The following EFCAB8 variants were observed in gnomAD, a reference collection of about 807,000 sequenced individuals.
EFCAB8 encodes the protein EF-hand calcium binding domain 8.
A neutral mutation model predicts 116.3 loss-of-function variants in EFCAB8; 100 were observed. The ratio of observed to expected loss-of-function variants is 0.86; its 90% CI spans 0.73 to 1.02. The LOEUF is 1.02. Among genes scored for constraint, EFCAB8 ranks in the 50% least tolerant of loss-of-function variants. The probability of loss-of-function intolerance (pLI) is 0.00; values close to 1 mark genes in which losing one functional copy is unlikely to be tolerated. For synonymous variants in EFCAB8, 558 were observed against 567.9 expected (o/e 0.98, Z 0.25); for missense variants, 1,320 against 1,416.9 (o/e 0.93, Z 1.10).
chr20:32,898,591 A>G lies in EFCAB8; in HGVS notation c.1056A>G (p.Thr352=), dbSNP rs1283414009. Residue 352 remains threonine, a synonymous_variant, in exon 11 of 27, where the codon ACA becomes ACG. Coordinates refer to ENST00000400522, the MANE Select transcript of EFCAB8 (RefSeq NM_001143967.2). The part of the protein sequence containing the change: ...SAIEKSSLVL[T]ILPAKASKKP... ...TCGAGAAGTCCTCTCTGGTGCTGAC[A>G]ATATTGCCAGCCAAAGCCTCTAAGA... 1 of 718,726 alleles carries G rather than the reference A, an allele frequency of 1.4e-6. No homozygotes were observed. Among genetic ancestry groups the G allele is most frequent in the Non-Finnish European group, 2.6e-6 (1 of 385,124 alleles). 44.5% of individuals were successfully genotyped at this position (718,726 alleles called of 1,614,324 possible).
chr20:32,870,729 T>C (rs1057233407), intron 3 of EFCAB8, among the ~76,000 whole-genome samples: 2 of 152,198 alleles, frequency 1.3e-5, no homozygotes, highest in Non-Finnish European at 2.9e-5. Context: ...CTCAAACTCC[T>C]GGCTTCAAGC....
chr20:32,930,640 T>C, intron 21 of EFCAB8, 24 bp downstream of exon 21: 1 of 1,548,360 alleles, frequency 6.5e-7, no homozygotes, highest in Non-Finnish European at 8.7e-7. Flanking sequence ...GGCAGGAAGA[T>C]TGAGGGGCTG....
At chr20:32,893,112 C>T in intron 8 of EFCAB8, 62 bp from the exon 9 acceptor site, 1 of 1,544,662 alleles carries the variant, frequency 6.5e-7, no homozygotes, top group South Asian at 1.2e-5. Flanking sequence ...GAGTGCTGGT[C>T]TTACAGGTGT....
rs1983959088 is a variant in EFCAB8, at chr20:32,858,923, T to G, written c.-94T>G. On this transcript the variant is annotated 5_prime_UTR_variant, in exon 1 of 27. Transcript: ENST00000400522. The stretch of plus-strand genomic sequence containing the variant: ...TGGACTGGGAACAGCTGCCAATGTC[T>G]TTGTTGAGATGGGAGTTGGAAAGTG... 1.5e-5 allele frequency: 7 copies of G among 469,618 alleles called. No individual in the cohort carries two copies. The highest frequency in any genetic ancestry group is 1.1e-4 in the South Asian group (7 of 64,356). The allele number at this position is 469,618 out of a possible 1,614,324, so 29.1% of individuals were successfully genotyped here. A position where few individuals can be genotyped will look rare whatever the true frequency, so the allele number is the denominator to read the frequency against.
At chr20:32,865,941 G>T (rs1984377843) in intron 2 of EFCAB8, among the ~76,000 whole-genome samples, 1 of 152,134 alleles carries the variant, frequency 6.6e-6, no homozygotes, top group Admixed American at 6.6e-5. Context: ...GAGCAGGGGT[G>T]TGGGAGAGGA....
rs528172465 is a variant in EFCAB8 at position 32,933,054 on chromosome 20, G to C, written c.2790+1718G>C. Among the ~76,000 whole-genome samples, 7 of 152,248 alleles carry C rather than the reference G, an allele frequency of 4.6e-5. No individual in the cohort carries two copies. The East Asian group carries it at 1.3e-3, about 29-fold the overall frequency. ...TTGCAATGTTCCAGGGATGGTGATA[G>C]TATATTATATATGCATTCATTAATC... On this transcript the variant is annotated intron_variant, in intron 22 of 26. Transcript: ENST00000400522.
rs531459840 is a variant in EFCAB8, at chr20:32,864,322, A to G, written c.42+488A>G. Among the ~76,000 whole-genome samples the G allele has an allele frequency of 7.0e-4, 106 of 150,860 alleles. 2 individuals are homozygous for G. In the South Asian group the frequency reaches 0.022, roughly 31 times the overall value. On this transcript the variant is annotated intron_variant, in intron 2 of 26. Coordinates refer to ENST00000400522, the MANE Select transcript of EFCAB8 (RefSeq NM_001143967.2). Reference sequence around the variant, plus strand: ...CCTGAGACTGGGTATGGTGGCTCACACCTGTAGTCCCAGCACTTTGTGAGG... The same window carrying G: ...CCTGAGACTGGGTATGGTGGCTCACGCCTGTAGTCCCAGCACTTTGTGAGG...
In EFCAB8 at chr20:32,867,647, T is replaced by C. The variant is rs750439389; in HGVS notation, c.108T>C (p.Leu36=). 2.6e-6 allele frequency: 4 copies of C among 1,551,522 alleles called. No individual in the cohort carries two copies. Among genetic ancestry groups the C allele is most frequent in the Admixed American group, 2.0e-5 (1 of 50,954 alleles). ...GCTCCCCAACACCATCCATCACCCT[T>C]AGCCAGGTGCCTGACCTCCAGCCTG... ...AASSPTPSIT[L]SQVPDLQPGS... is the part of the protein sequence containing the mutation. Residue 36 remains leucine, a synonymous_variant, in exon 3 of 27, where the codon CTT becomes CTC. Transcript: ENST00000400522.
chr20:32,863,740 T>C (rs985017918), intron 1 of EFCAB8, 43 bp from the exon 2 acceptor site: 1 of 1,542,958 alleles, frequency 6.5e-7, no homozygotes, highest in Non-Finnish European at 8.7e-7. Flanking sequence ...CACGTGGTCC[T>C]TACAACGACT....
At chr20:32,893,490 G>A (rs1255864980) in intron 9 of EFCAB8, among the ~76,000 whole-genome samples, 192 bp downstream of exon 9, 2 of 152,178 alleles carry the variant, frequency 1.3e-5, no homozygotes, top group Non-Finnish European at 2.9e-5. Flanking sequence ...GGCAGCAGAA[G>A]ACCACGAGGG....
At chr20:32,880,721 G>A (rs895309390) in intron 5 of EFCAB8, among the ~76,000 whole-genome samples, 1 of 127,604 alleles carries the variant, frequency 7.8e-6, no homozygotes, top group Admixed American at 7.7e-5. Context: ...TGTGTAGGGC[G>A]AGGTATGGGG....
chr20:32,940,317 T>TG (rs1175728299), intron 22 of EFCAB8, among the ~76,000 whole-genome samples: 1 of 149,050 alleles, frequency 6.7e-6, no homozygotes, highest in Non-Finnish European at 1.5e-5. Context: ...GACAATCAAA[T>TG]GGGGAGAAAT....
At chr20:32,887,501 G>A (rs770204286) in intron 6 of EFCAB8, among the ~76,000 whole-genome samples, 6 of 151,096 alleles carry the variant, frequency 4.0e-5, no homozygotes, top group African/African-American at 7.4e-5. Flanking sequence ...ACTGGAACCC[G>A]GAGGCAGAGG....
chr20:32,886,054 G>T (rs1004891164), intron 6 of EFCAB8, among the ~76,000 whole-genome samples: 11 of 152,196 alleles, frequency 7.2e-5, no homozygotes, highest in African/African-American at 2.4e-4. Context: ...GTCCAGGCAG[G>T]AAATCATAGT....
chr20:32,912,448 AG>A (rs67434119), intron 16 of EFCAB8, among the ~76,000 whole-genome samples: 41,164 of 133,058 alleles, frequency 0.31, 6,550 homozygotes, highest in Middle Eastern at 0.46. Context: ...AAAAAAAAGA[AG>A]AAGAAGAAAG....
In EFCAB8 at chr20:32,885,494, G is replaced by GC. The variant is rs1568908311; in HGVS notation, c.432-9dup. 1 of 1,551,418 alleles carries GC rather than the reference G, an allele frequency of 6.4e-7. No homozygotes were observed. Among genetic ancestry groups the GC allele is most frequent in the Admixed American group, 2.0e-5 (1 of 50,982 alleles). ...TGCTTGGGCTCTTCTCTCTTTCATC[G>GC]CCTCCCACAGGAACCATGGCTGTGA... On this transcript the variant is annotated splice_polypyrimidine_tract_variant and intron_variant, in intron 5 of 26. Transcript: ENST00000400522.
In EFCAB8 at chr20:32,867,548, G is replaced by A. The variant is rs758502674; in HGVS notation, c.43-34G>A. 4 of 1,540,792 alleles carry A rather than the reference G, an allele frequency of 2.6e-6. No individual in the cohort carries two copies. In the South Asian group the frequency reaches 3.7e-5, roughly 14 times the overall value. ...AATGTTTGGCTCAGGAAATTGAAAC[G>A]CTCAGTCCCTGGTTCTTGTTATATT... is the stretch of plus-strand genomic sequence containing the variant. On this transcript the variant is annotated intron_variant, in intron 2 of 26. Coordinates refer to ENST00000400522, the MANE Select transcript of EFCAB8 (RefSeq NM_001143967.2).
At chr20:32,862,653 G>A (rs1399898984) in intron 1 of EFCAB8, among the ~76,000 whole-genome samples, 1 of 152,056 alleles carries the variant, frequency 6.6e-6, no homozygotes, top group African/African-American at 2.4e-5. Flanking sequence ...TTGGGACAGA[G>A]TCTTGCTCTT....
At chr20:32,902,120 C>A (rs1305498814) in intron 11 of EFCAB8, among the ~76,000 whole-genome samples, 1 of 152,116 alleles carries the variant, frequency 6.6e-6, no homozygotes, top group Admixed American at 6.5e-5. Context: ...TCTCTAAGTA[C>A]CTCAGAGTAT....
Sources: allele counts gnomAD v4.1 joint callset (sites outside exome capture counted in the v4.1 genomes callset), GRCh38; gene constraint gnomAD v4.1.1; transcripts MANE v1.5; gene names NCBI Gene and HGNC (gene_info 2026-07-23, HGNC 2026-07-21).